Variants in SEMA6D observed in about 807,000 individuals in gnomAD.
SEMA6D encodes the protein semaphorin-6D.
In SEMA6D, 35 loss-of-function variants were observed where a neutral mutation model predicts 106.6. The observed-to-expected ratio is 0.33, with a 90% confidence interval of 0.25 to 0.44. The LOEUF (loss-of-function observed/expected upper bound fraction) is 0.44, where lower values mean the gene tolerates loss of function less well. Ranked by LOEUF, SEMA6D falls within the 20% of genes least tolerant of loss-of-function variation. The probability of loss-of-function intolerance (pLI) is 1.00; values close to 1 mark genes in which losing one functional copy is unlikely to be tolerated. For synonymous variants in SEMA6D, 499 were observed against 487.7 expected, an observed-to-expected ratio of 1.02 and a Z score of -0.31; for missense variants, 1,185 against 1,345.9, an observed-to-expected ratio of 0.88 and a Z score of 1.87.
intron 1 of SEMA6D, among the ~76,000 whole-genome samples, chr15:47,222,812 G>T (rs2031321943): frequency 1.3e-5 from 2 of 152,178 alleles, no homozygotes; most frequent in Admixed American, 6.5e-5. Context: ...CTCTTCGAGA[G>T]TGACATTTTC....
intron 4 of SEMA6D, among the ~76,000 whole-genome samples, chr15:47,644,824 G>T (rs918323142): frequency 1.3e-5 from 2 of 152,152 alleles, no homozygotes; most frequent in Non-Finnish European, 2.9e-5. Context: ...TTATACTGGC[G>T]GGTCTTAGAG....
At chr15:47,638,404 T>C (rs1314520578) in intron 4 of SEMA6D, among the ~76,000 whole-genome samples, 1 of 152,168 alleles carries the variant, frequency 6.6e-6, no homozygotes, top group Non-Finnish European at 1.5e-5. Context: ...TAATCTTCAT[T>C]AAACTTGAGA....
intron 1 of SEMA6D, among the ~76,000 whole-genome samples, chr15:47,310,130 T>C (rs2036389855): frequency 6.6e-6 from 1 of 152,194 alleles, no homozygotes; most frequent in Admixed American, 6.5e-5. Context: ...TCTTTTCAGG[T>C]TTGTGGCAGG....
intron 4 of SEMA6D, among the ~76,000 whole-genome samples, chr15:47,648,851 C>T (rs2077630971): frequency 6.6e-6 from 1 of 152,100 alleles, no homozygotes; most frequent in African/African-American, 2.4e-5. Flanking sequence ...CCCACAGGAA[C>T]TTAACTCTTG....
At chr15:47,656,753 G>A (rs1490676909) in intron 4 of SEMA6D, among the ~76,000 whole-genome samples, 1 of 152,124 alleles carries the variant, frequency 6.6e-6, no homozygotes, top group Non-Finnish European at 1.5e-5. Context: ...AGACCCCTTT[G>A]CTCTGTGGAA....
chr15:47,313,801 C>T (rs2036535798), intron 1 of SEMA6D, among the ~76,000 whole-genome samples: 1 of 152,194 alleles, frequency 6.6e-6, no homozygotes, highest in Non-Finnish European at 1.5e-5. Context: ...TGGCTTCAAG[C>T]AATCTTCCTG....
chr15:47,651,417 T>C (rs2077688551), intron 4 of SEMA6D, among the ~76,000 whole-genome samples: 1 of 151,876 alleles, frequency 6.6e-6, no homozygotes, highest in African/African-American at 2.4e-5. Flanking sequence ...AAAAAAAAAC[T>C]AGTAAACTTC....
chr15:47,769,930 A>G (rs1196950128), intron 18 of SEMA6D, among the ~76,000 whole-genome samples: 3 of 152,218 alleles, frequency 2.0e-5, no homozygotes, highest in African/African-American at 7.2e-5. Flanking sequence ...AATGAAAAAA[A>G]AAATCCAAGC....
At chr15:47,330,435 A>T (rs17359687) in intron 1 of SEMA6D, among the ~76,000 whole-genome samples, 1,684 of 152,230 alleles carry the variant, frequency 0.011, 12 homozygotes, top group Non-Finnish European at 0.014. Flanking sequence ...GATGGATGGG[A>T]GAGGCTATCA....
At chr15:47,488,151 G>T (rs768556314) in intron 3 of SEMA6D, among the ~76,000 whole-genome samples, 11 of 152,096 alleles carry the variant, frequency 7.2e-5, no homozygotes, top group Non-Finnish European at 1.6e-4. Context: ...TCTGTCATCG[G>T]TATTTTTGTT....
At chr15:47,402,741 G>A (rs1005704752) in intron 1 of SEMA6D, among the ~76,000 whole-genome samples, 1 of 136,818 alleles carries the variant, frequency 7.3e-6, no homozygotes, top group African/African-American at 2.6e-5. Flanking sequence ...TTCTTTGTGA[G>A]CCAGACTTTT....
chr15:47,756,544 A>T (rs183180608), intron 1 of SEMA6D, among the ~76,000 whole-genome samples: 2 of 152,312 alleles, frequency 1.3e-5, no homozygotes, highest in Admixed American at 1.3e-4. Context: ...TTAAAGAGAT[A>T]AAGTCAATTT....
intron 1 of SEMA6D, among the ~76,000 whole-genome samples, chr15:47,333,811 C>G (rs2037441338): frequency 6.6e-6 from 1 of 152,176 alleles, no homozygotes; most frequent in Non-Finnish European, 1.5e-5. Context: ...TGATTTTCAT[C>G]CACAGTTCCT....
intron 3 of SEMA6D, among the ~76,000 whole-genome samples, chr15:47,479,746 TG>T (rs1567109615): frequency 6.6e-6 from 1 of 152,086 alleles, no homozygotes; most frequent in African/African-American, 2.4e-5. Flanking sequence ...TAAAAAGAGA[TG>T]CCACTTCCCT....
intron 1 of SEMA6D, among the ~76,000 whole-genome samples, chr15:47,725,133 A>G (rs2079658110): frequency 6.6e-6 from 1 of 152,196 alleles, no homozygotes; most frequent in African/African-American, 2.4e-5. Context: ...GAAGATAGGA[A>G]GTGGAAGAGA....
intron 1 of SEMA6D, among the ~76,000 whole-genome samples, chr15:47,236,868 T>A (rs1367985429): frequency 1.3e-5 from 2 of 152,280 alleles, no homozygotes; most frequent in African/African-American, 4.8e-5. Context: ...TTCAAATCAC[T>A]AATTCTATGT....
intron 1 of SEMA6D, 25 bp from the exon 2 acceptor site, chr15:47,759,720 T>C: frequency 1.9e-6 from 2 of 1,038,294 alleles, no homozygotes; most frequent in Non-Finnish European, 3.0e-6. Context: ...CATAGAGATC[T>C]TTCCAAACTG....
At chr15:47,284,672 T>G (rs1217806746) in intron 1 of SEMA6D, among the ~76,000 whole-genome samples, 1 of 152,222 alleles carries the variant, frequency 6.6e-6, no homozygotes, top group Non-Finnish European at 1.5e-5. Context: ...TGCCATGGCA[T>G]TCTATTGTCG....
At chr15:47,755,046 G>A (rs1025430911) in intron 1 of SEMA6D, among the ~76,000 whole-genome samples, 2 of 150,448 alleles carry the variant, frequency 1.3e-5, no homozygotes, top group African/African-American at 4.9e-5. Context: ...CTGCCTCCCA[G>A]GTTCAAGTAA....
Sources: allele counts gnomAD v4.1 joint callset (sites outside exome capture counted in the v4.1 genomes callset), GRCh38; gene constraint gnomAD v4.1.1; transcripts MANE v1.5; gene names NCBI Gene and HGNC (gene_info 2026-07-23, HGNC 2026-07-21).